Variants in RTN4 observed in about 807,000 individuals in gnomAD.
The protein encoded by RTN4 is reticulon-4.
RTN4 carries 32 observed loss-of-function variants against 90.4 expected under a neutral mutation model. The ratio of observed to expected loss-of-function variants is 0.35; its 90% CI spans 0.27 to 0.48. RTN4 has a LOEUF of 0.48. RTN4 is among the 20% of genes least tolerant of loss of function. The probability of loss-of-function intolerance (pLI) is 0.99; values close to 1 mark genes in which losing one functional copy is unlikely to be tolerated. For synonymous variants in RTN4, 629 were observed against 552.5 expected, an observed-to-expected ratio of 1.14 and a Z score of -1.94; for missense variants, 1,706 against 1,430.2, an observed-to-expected ratio of 1.19 and a Z score of -3.11.
Position 54,972,598 on chromosome 2 carries a change from CTATACATATATAATCTA to C in RTN4, c.*541_*557del, listed in dbSNP as rs543313050. On this transcript the variant is annotated 3_prime_UTR_variant, in exon 9 of 9. Coordinates refer to ENST00000337526, the MANE Select transcript of RTN4 (RefSeq NM_020532.5). ...GTAAAGGTCTAAGCTTTGTGAAACA[CTATACATATATAATCTA>C]TATTTACTTATATTGGCAATTAATA... 6.6e-6 allele frequency: 1 copy of C among 152,628 alleles called. No homozygotes were observed. The highest frequency in any genetic ancestry group is 1.5e-5 in the Non-Finnish European group (1 of 68,036). The allele number at this position is 152,628 out of a possible 1,614,324, so 9.5% of individuals were successfully genotyped here.
At chr2:55,031,429 A>G (rs1212455630) in intron 1 of RTN4, among the ~76,000 whole-genome samples, 1 of 152,238 alleles carries the variant, frequency 6.6e-6, no homozygotes, top group African/African-American at 2.4e-5. Context: ...AAAGCCTCAC[A>G]GAAAAGGAGC....
chr2:55,053,696 CA>C (rs66792666), upstream of RTN4, among the ~76,000 whole-genome samples: 37 of 142,180 alleles, frequency 2.6e-4, no homozygotes, highest in South Asian at 2.2e-4. Flanking sequence ...CAAAAAAAAA[CA>C]AAAAAAAAAA....
At chr2:55,114,429 T>A (rs945065942), upstream of RTN4, among the ~76,000 whole-genome samples, 1 of 152,186 alleles carries the variant, frequency 6.6e-6, no homozygotes, top group Non-Finnish European at 1.5e-5. Flanking sequence ...CCGGGCGTGG[T>A]GGCTCACACT....
chr2:55,110,072 G>A (rs776204907), intron 1 of RTN4, among the ~76,000 whole-genome samples: 11 of 152,162 alleles, frequency 7.2e-5, no homozygotes, highest in Non-Finnish European at 1.0e-4. Flanking sequence ...ATTGTGGGAA[G>A]TCGAGACTGG....
chr2:54,992,112 C>A (rs1679058666), intron 3 of RTN4, among the ~76,000 whole-genome samples: 1 of 151,980 alleles, frequency 6.6e-6, no homozygotes, highest in Non-Finnish European at 1.5e-5. Context: ...AGGTGGGAGG[C>A]CAGGAGTTTG....
chr2:55,025,725 G>T lies in RTN4; in HGVS notation c.2374C>A (p.Pro792Thr). The T allele has an allele frequency of 1.2e-6, 2 of 1,613,704 alleles. No homozygotes were observed. Among genetic ancestry groups the T allele is most frequent in the Non-Finnish European group, 1.7e-6 (2 of 1,179,800 alleles). Reference protein sequence around the residue: ...YENKEKLSALPPEGGKPYLES... With the variant: ...YENKEKLSALTPEGGKPYLES... ...AAATATGGCTTTCCTCCCTCAGGTG[G>T]CAAAGCACTGAGTTTTTCCTTATTT... The change falls in exon 3 of 9, where the codon CCA (proline) becomes ACA (threonine). Residue 792 changes from proline (P) to threonine (T), a missense_variant. By Grantham distance (38) the Pro-to-Thr change is conservative. Transcript: ENST00000337526.
At chr2:55,082,915 C>T (rs1052235045) in intron 1 of RTN4, among the ~76,000 whole-genome samples, 1 of 152,148 alleles carries the variant, frequency 6.6e-6, no homozygotes, top group African/African-American at 2.4e-5. Context: ...CGCGCCACTG[C>T]ACTCCAGCTT....
chr2:54,997,678 C>T (rs945095728), intron 3 of RTN4, among the ~76,000 whole-genome samples: 3 of 152,064 alleles, frequency 2.0e-5, no homozygotes. Flanking sequence ...GGCCATAAAA[C>T]GAAATGAAGT....
chr2:55,046,307 CA>C (rs1667720526), intron 1 of RTN4, among the ~76,000 whole-genome samples: 1 of 152,100 alleles, frequency 6.6e-6, no homozygotes, highest in Non-Finnish European at 1.5e-5. Context: ...AAAAGCTAAA[CA>C]TTTTTACCAT....
upstream of RTN4, among the ~76,000 whole-genome samples, chr2:55,114,678 G>A (rs1263245696): frequency 6.6e-6 from 1 of 152,178 alleles, no homozygotes; most frequent in Non-Finnish European, 1.5e-5. Context: ...CAGGCTGGGT[G>A]ATACAGTGAG....
intron 1 of RTN4, among the ~76,000 whole-genome samples, chr2:55,089,830 C>T (rs1328536141): frequency 1.3e-5 from 2 of 152,144 alleles, no homozygotes; most frequent in African/African-American, 4.8e-5. Flanking sequence ...TGTCACTGGC[C>T]TCTCCAGGCA....
chr2:55,060,372 A>G (rs1453413989), intron 2 of RTN4, among the ~76,000 whole-genome samples: 1 of 152,206 alleles, frequency 6.6e-6, no homozygotes, highest in African/African-American at 2.4e-5. Context: ...TAATTATAGC[A>G]TATAGTTGTC....
At chr2:54,979,161 T>C (rs1324304046) in intron 5 of RTN4, among the ~76,000 whole-genome samples, 2 of 151,872 alleles carry the variant, frequency 1.3e-5, no homozygotes, top group Admixed American at 6.6e-5. Context: ...TCAAGAATCC[T>C]CTTGCCTCAG....
At position 55,026,231 on chromosome 2, in the gene RTN4, G is replaced by A. The variant is rs1681859863; in HGVS notation, c.1868C>T (p.Ala623Val). The change falls in exon 3 of 9, where the codon GCA becomes GTA. Residue 623 changes from alanine to valine, a missense_variant. Physicochemically the swap from Ala to Val is moderately conservative, Grantham distance 64 (BLOSUM62 0). Coordinates refer to ENST00000337526, the MANE Select transcript of RTN4 (RefSeq NM_020532.5). ...DIVMEAPLNS[A>V]VPSAGASVIQ... The stretch of plus-strand genomic sequence containing the variant: ...CACGGAAGCACCAGCACTAGGAACT[G>A]CAGAATTCAATGGTGCTTCCATAAC... 6.2e-7 allele frequency: 1 copy of A among 1,613,806 alleles called. No homozygotes were observed.
intron 1 of RTN4, among the ~76,000 whole-genome samples, chr2:55,099,568 T>C (rs1381230935): frequency 6.6e-6 from 1 of 152,086 alleles, no homozygotes; most frequent in Non-Finnish European, 1.5e-5. Flanking sequence ...TTTCAGGACA[T>C]CAATCAGGGA....
chr2:54,974,368 C>T (rs1336848737), intron 6 of RTN4, among the ~76,000 whole-genome samples: 1 of 152,262 alleles, frequency 6.6e-6, no homozygotes, highest in Non-Finnish European at 1.5e-5. Context: ...CAACCTCTGC[C>T]TCTTGGGCTC....
intron 2 of RTN4, among the ~76,000 whole-genome samples, chr2:55,059,450 C>G (rs564037045): frequency 6.6e-6 from 1 of 152,070 alleles, no homozygotes; most frequent in South Asian, 2.1e-4. Flanking sequence ...ACACCCCAGG[C>G]TCAAGCCATC....
At chr2:55,116,466 C>A (rs887037475), upstream of RTN4, among the ~76,000 whole-genome samples, 1 of 152,174 alleles carries the variant, frequency 6.6e-6, no homozygotes, top group Non-Finnish European at 1.5e-5. Flanking sequence ...CCTCTCTGAG[C>A]CTCAGTTTCC....
At chr2:54,987,416 G>T in intron 4 of RTN4, 75 bp downstream of exon 4, 2 of 1,067,120 alleles carry the variant, frequency 1.9e-6, no homozygotes, top group Non-Finnish European at 2.9e-6. Context: ...TAACTCTATA[G>T]ACAGTAGATG....
Sources: gnomAD v4.1 joint callset for allele counts (sites outside exome capture counted in the v4.1 genomes callset) on GRCh38, gnomAD v4.1.1 for gene constraint, MANE v1.5 for transcripts, NCBI Gene and HGNC (gene_info 2026-07-23, HGNC 2026-07-21) for gene names.